The following CHCHD3 variants were observed in gnomAD, a reference collection of about 807,000 sequenced individuals.
CHCHD3 encodes MICOS complex subunit MIC19.
A neutral mutation model predicts 38.2 loss-of-function variants in CHCHD3; 20 were observed. That is an observed-to-expected ratio of 0.52 (90% CI 0.37 to 0.76). CHCHD3 has a LOEUF of 0.76. CHCHD3 is among the 30% of genes least tolerant of loss of function. The probability of loss-of-function intolerance (pLI) is 0.00; values close to 1 mark genes in which losing one functional copy is unlikely to be tolerated. For synonymous variants in CHCHD3, 82 were observed against 100.0 expected (o/e 0.82, Z 1.07); for missense variants, 245 against 279.2 (o/e 0.88, Z 0.87).
chr7:132,925,406 C>T (rs1195764395), intron 4 of CHCHD3, among the ~76,000 whole-genome samples: 1 of 152,174 alleles, frequency 6.6e-6, no homozygotes, highest in Non-Finnish European at 1.5e-5. Context: ...TTCACTACCA[C>T]TTTCCAGCAA....
chr7:133,030,295 A>G (rs1337615627), intron 2 of CHCHD3, among the ~76,000 whole-genome samples: 3 of 152,218 alleles, frequency 2.0e-5, no homozygotes, highest in Non-Finnish European at 4.4e-5. Context: ...AAAGTGCATG[A>G]GGGAAAAAGA....
intron 2 of CHCHD3, among the ~76,000 whole-genome samples, chr7:133,039,334 T>G (rs1813764163): frequency 6.6e-6 from 1 of 152,218 alleles, no homozygotes; most frequent in African/African-American, 2.4e-5. Context: ...ATCATCTTAT[T>G]TATTTGGATT....
chr7:133,013,810 G>C (rs1812950057), intron 3 of CHCHD3, among the ~76,000 whole-genome samples: 1 of 152,070 alleles, frequency 6.6e-6, no homozygotes, highest in Non-Finnish European at 1.5e-5. Context: ...GAGGGAGACA[G>C]AAAACTATTC....
intron 4 of CHCHD3, among the ~76,000 whole-genome samples, chr7:132,972,290 T>C (rs1161882890): frequency 6.6e-6 from 1 of 152,288 alleles, no homozygotes; most frequent in Admixed American, 6.5e-5. Flanking sequence ...TTTTACCACA[T>C]GGCCTAAATG....
chr7:132,884,955 A>G (rs1300264655), intron 5 of CHCHD3, among the ~76,000 whole-genome samples: 1 of 152,214 alleles, frequency 6.6e-6, no homozygotes, highest in Non-Finnish European at 1.5e-5. Flanking sequence ...GAGTTTTCAG[A>G]AAGAAGATAT....
At chr7:132,891,213 G>A (rs1809352151) in intron 4 of CHCHD3, among the ~76,000 whole-genome samples, 1 of 152,124 alleles carries the variant, frequency 6.6e-6, no homozygotes, top group Non-Finnish European at 1.5e-5. Flanking sequence ...TTTACCAAGT[G>A]GCATTAATAC....
intron 5 of CHCHD3, among the ~76,000 whole-genome samples, chr7:132,864,647 C>A (rs1808573005): frequency 6.6e-6 from 1 of 152,050 alleles, no homozygotes. Flanking sequence ...CCATCTGGCA[C>A]CTCTTGGACA....
At chr7:132,897,496 A>C (rs1172820246) in intron 4 of CHCHD3, among the ~76,000 whole-genome samples, 1 of 152,200 alleles carries the variant, frequency 6.6e-6, no homozygotes, top group Admixed American at 6.5e-5. Flanking sequence ...TTCATTTTCT[A>C]GGAAGTAAGC....
At chr7:133,034,694 G>A (rs1813605780) in intron 2 of CHCHD3, 7 of 1,612,590 alleles carry the variant, frequency 4.3e-6, no homozygotes, top group Non-Finnish European at 5.9e-6. Flanking sequence ...CCAGCGTCTG[G>A]GTCTCCTCTC....
chr7:132,973,335 T>C (rs1162100776), intron 4 of CHCHD3: 2 of 985,320 alleles, frequency 2.0e-6, no homozygotes, highest in Non-Finnish European at 2.4e-6. Flanking sequence ...ATCCTTAGCT[T>C]CCAAATTTGG....
intron 2 of CHCHD3, chr7:133,034,521 T>C (rs1813595836): frequency 2.1e-6 from 1 of 486,820 alleles, no homozygotes; most frequent in African/African-American, 2.0e-5. Context: ...TTTTTTTTTT[T>C]TTTTTTTTTC....
intron 1 of CHCHD3, among the ~76,000 whole-genome samples, chr7:133,077,456 T>A (rs535147315): frequency 1.4e-4 from 21 of 152,252 alleles, no homozygotes; most frequent in Non-Finnish European, 2.6e-4. Flanking sequence ...CTGCCATAAC[T>A]GGCTCCTGTG....
intron 2 of CHCHD3, among the ~76,000 whole-genome samples, chr7:133,067,237 T>C (rs945730714): frequency 1.4e-4 from 22 of 152,178 alleles, no homozygotes; most frequent in Non-Finnish European, 7.3e-5. Flanking sequence ...TGAATCATCA[T>C]GATCATCACG....
At chr7:132,796,335 T>C in intron 7 of CHCHD3, 107 bp downstream of exon 7, 1 of 1,263,026 alleles carries the variant, frequency 7.9e-7, no homozygotes, top group Admixed American at 2.0e-5. Flanking sequence ...GACTAGGGCT[T>C]AGAAAGCTTT....
chr7:132,919,485 G>A (rs947537281), intron 4 of CHCHD3, among the ~76,000 whole-genome samples: 1 of 152,230 alleles, frequency 6.6e-6, no homozygotes, highest in East Asian at 1.9e-4. Flanking sequence ...TCTACGACAA[G>A]TTGATCTAAC....
chr7:132,888,305 T>C (rs1809266626), intron 4 of CHCHD3, among the ~76,000 whole-genome samples: 1 of 151,868 alleles, frequency 6.6e-6, no homozygotes, highest in Admixed American at 6.6e-5. Context: ...ACATACTTTA[T>C]AGTCAAGGGG....
At chr7:132,902,213 G>C (rs530020477) in intron 4 of CHCHD3, among the ~76,000 whole-genome samples, 2 of 152,206 alleles carry the variant, frequency 1.3e-5, no homozygotes, top group African/African-American at 4.8e-5. Flanking sequence ...CTTTTACACT[G>C]TTGGTGGGAC....
chr7:133,081,787 G>C, intron 1 of CHCHD3, 70 bp downstream of exon 1: 2 of 1,467,306 alleles, frequency 1.4e-6, no homozygotes, highest in Non-Finnish European at 1.9e-6. Context: ...AGGCTGAGCG[G>C]GTCCGGAGAA....
intron 4 of CHCHD3, chr7:132,973,046 GA>G (rs1188196175): frequency 1.0e-6 from 1 of 985,126 alleles, no homozygotes; most frequent in Non-Finnish European, 1.2e-6. Flanking sequence ...ATTTTTTTGT[GA>G]AATCTCTTTT....
Sources: gnomAD v4.1 joint callset for allele counts (sites outside exome capture counted in the v4.1 genomes callset) on GRCh38, gnomAD v4.1.1 for gene constraint, MANE v1.5 for transcripts, NCBI Gene and HGNC (gene_info 2026-07-23, HGNC 2026-07-21) for gene names.